Variants in MAP2 observed in about 807,000 individuals in gnomAD.
The protein encoded by MAP2 is microtubule associated protein 2.
A neutral mutation model predicts 137.6 loss-of-function variants in MAP2; 14 were observed. The observed-to-expected ratio is 0.10, with a 90% confidence interval of 0.07 to 0.16. The LOEUF (loss-of-function observed/expected upper bound fraction) is 0.16. Ranked by LOEUF, MAP2 falls within the 10% of genes least tolerant of loss-of-function variation. The probability of loss-of-function intolerance (pLI) is 1.00; values close to 1 mark genes in which losing one functional copy is unlikely to be tolerated. For synonymous variants in MAP2, 786 were observed against 782.3 expected, an observed-to-expected ratio of 1.00 and a Z score of -0.08; for missense variants, 2,088 against 2,191.5, an observed-to-expected ratio of 0.95 and a Z score of 0.94.
chr2:209,472,951 T>C (rs1041063050), intron 1 of MAP2, among the ~76,000 whole-genome samples: 4 of 152,196 alleles, frequency 2.6e-5, no homozygotes, highest in African/African-American at 9.7e-5. Flanking sequence ...TTCTGATTAC[T>C]GTTATGTATA....
intron 5 of MAP2, among the ~76,000 whole-genome samples, chr2:209,664,556 A>G (rs936069109): frequency 1.3e-5 from 2 of 152,120 alleles, no homozygotes; most frequent in African/African-American, 4.8e-5. Flanking sequence ...CTCAAACAAA[A>G]AAACAAAAAG....
At chr2:209,590,628 C>G (rs1055742083) in intron 3 of MAP2, among the ~76,000 whole-genome samples, 1 of 152,194 alleles carries the variant, frequency 6.6e-6, no homozygotes, top group African/African-American at 2.4e-5. Context: ...AGCCACCATC[C>G]CTGGCCTCAA....
chr2:209,650,231 A>G (rs2094695274), intron 4 of MAP2, among the ~76,000 whole-genome samples: 1 of 152,216 alleles, frequency 6.6e-6, no homozygotes, highest in African/African-American at 2.4e-5. Context: ...ACAAACCTAA[A>G]TATTTCCCAG....
intron 3 of MAP2, among the ~76,000 whole-genome samples, chr2:209,598,109 G>A (rs2081838626): frequency 6.6e-6 from 1 of 152,018 alleles, no homozygotes; most frequent in African/African-American, 2.4e-5. Context: ...AGGTTCAAGT[G>A]ATTCTCCTGC....
At chr2:209,614,330 C>G (rs2153498520) in intron 3 of MAP2, among the ~76,000 whole-genome samples, 1 of 152,242 alleles carries the variant, frequency 6.6e-6, no homozygotes, top group East Asian at 1.9e-4. Flanking sequence ...AAAGAAACCC[C>G]CAATAGATGA....
chr2:209,699,514 C>A (rs533116845), intron 10 of MAP2, among the ~76,000 whole-genome samples: 13 of 152,164 alleles, frequency 8.5e-5, no homozygotes, highest in African/African-American at 2.6e-4. Context: ...AGTCATCAAC[C>A]AAAATGTGCT....
chr2:209,524,038 C>CT lies in MAP2; in HGVS notation c.-172+16407dup, dbSNP rs1006840617. Reference sequence around the variant, plus strand: ...GCTAAATACTCAAAATTTATTTGAGCTTTTTTTTTTATTAAATGCAGCGAA... The same window carrying CT: ...GCTAAATACTCAAAATTTATTTGAGCTTTTTTTTTTTATTAAATGCAGCGAA... On this transcript the variant is annotated intron_variant, in intron 2 of 15. Coordinates refer to ENST00000682079, the MANE Select transcript of MAP2 (RefSeq NM_001375505.1). 5.2e-4 allele frequency among the ~76,000 whole-genome samples: 77 copies of CT among 148,354 alleles called. 1 individual carries two copies. Among genetic ancestry groups the CT allele is most frequent in the Middle Eastern group, 3.5e-3 (1 of 286 alleles).
chr2:209,517,466 C>T (rs1563125), intron 2 of MAP2, among the ~76,000 whole-genome samples: 34,038 of 151,938 alleles, frequency 0.22, 5,107 homozygotes, highest in African/African-American at 0.42. Context: ...GTGTTTGAAA[C>T]GTGATGTGAT....
intron 2 of MAP2, among the ~76,000 whole-genome samples, chr2:209,518,210 T>C (rs1559266686): frequency 6.6e-6 from 1 of 152,010 alleles, no homozygotes; most frequent in Non-Finnish European, 1.5e-5. Context: ...GTATTAACAG[T>C]GGTTACTTTG....
At chr2:209,502,990 A>ATTTTTTTCTTTTTTTTT (rs2060566809) in intron 1 of MAP2, among the ~76,000 whole-genome samples, 1 of 121,076 alleles carries the variant, frequency 8.3e-6, no homozygotes. Flanking sequence ...TATATTTCGG[A>ATTTTTTTCTTTTTTTTT]TTTTTTTTCT....
intron 1 of MAP2, among the ~76,000 whole-genome samples, chr2:209,484,663 G>A (rs900516544): frequency 6.6e-6 from 1 of 152,134 alleles, no homozygotes; most frequent in Non-Finnish European, 1.5e-5. Flanking sequence ...GCAGTCTAAC[G>A]TGGGCAACAG....
intron 1 of MAP2, among the ~76,000 whole-genome samples, chr2:209,433,826 C>T (rs1210758944): frequency 6.6e-6 from 1 of 151,716 alleles, no homozygotes; most frequent in Non-Finnish European, 1.5e-5. Context: ...CTTGTAGTCT[C>T]TTTGTACCCC....
chr2:209,498,929 T>C (rs2060065748), intron 1 of MAP2, among the ~76,000 whole-genome samples: 2 of 152,182 alleles, frequency 1.3e-5, no homozygotes, highest in African/African-American at 4.8e-5. Context: ...TTATCTTGGC[T>C]GTGAGTGTTT....
intron 2 of MAP2, among the ~76,000 whole-genome samples, chr2:209,542,724 C>G (rs534091802): frequency 2.0e-4 from 31 of 152,352 alleles, no homozygotes; most frequent in Admixed American, 6.5e-4. Flanking sequence ...GAACCAACCT[C>G]TGCTAGCTTC....
chr2:209,448,648 T>C (rs1699645178), intron 1 of MAP2, among the ~76,000 whole-genome samples: 1 of 152,154 alleles, frequency 6.6e-6, no homozygotes, highest in African/African-American at 2.4e-5. Context: ...TAGCTGTTGA[T>C]GCTTCTTGGT....
chr2:209,501,646 G>A (rs909816670), intron 1 of MAP2, among the ~76,000 whole-genome samples: 1 of 152,106 alleles, frequency 6.6e-6, no homozygotes, highest in Non-Finnish European at 1.5e-5. Context: ...TTTGCTTAGG[G>A]TATTGTTTAG....
chr2:209,499,402 T>C (rs2060121694), intron 1 of MAP2, among the ~76,000 whole-genome samples: 1 of 152,120 alleles, frequency 6.6e-6, no homozygotes, highest in African/African-American at 2.4e-5. Flanking sequence ...ATTTAACTAG[T>C]CTCTAAAAAA....
chr2:209,604,795 G>A (rs1358421907), intron 3 of MAP2, among the ~76,000 whole-genome samples: 7 of 152,126 alleles, frequency 4.6e-5, no homozygotes. Context: ...ATTATAGTTT[G>A]CCAAGCATGT....
intron 2 of MAP2, among the ~76,000 whole-genome samples, chr2:209,522,630 T>C (rs1269783722): frequency 6.6e-6 from 1 of 152,200 alleles, no homozygotes; most frequent in Non-Finnish European, 1.5e-5. Context: ...CCTGCACTTG[T>C]AGGTCTCTGC....
Sources: gnomAD v4.1 joint callset for allele counts (sites outside exome capture counted in the v4.1 genomes callset) on GRCh38, gnomAD v4.1.1 for gene constraint, MANE v1.5 for transcripts, NCBI Gene and HGNC (gene_info 2026-07-23, HGNC 2026-07-21) for gene names.